KERA: variants seen among roughly 807,000 people sequenced by gnomAD.
The protein encoded by KERA is keratocan, also known as keratan sulfate proteoglycan keratocan.
KERA carries 25 observed loss-of-function variants against 26.4 expected under a neutral mutation model. That is an observed-to-expected ratio of 0.95 (90% CI 0.69 to 1.32). The LOEUF (loss-of-function observed/expected upper bound fraction) is 1.32, where lower values mean the gene tolerates loss of function less well. Ranked by LOEUF, KERA falls within the 40% of genes most tolerant of loss-of-function variation. The pLI is 0.00. For missense variants in KERA, 434 were observed against 408.9 expected (o/e 1.06, Z -0.53); for synonymous variants, 167 against 146.1 (o/e 1.14, Z -1.03).
intron 2 of KERA, 108 bp downstream of exon 2, chr12:91,055,288 A>G (rs1252106962): frequency 1.0e-6 from 1 of 990,138 alleles, no homozygotes. Context: ...AATCTAAAGG[A>G]ACATTAGCGG....
Position 91,057,865 on chromosome 12 carries a change from CG to C in KERA, c.-131del, listed in dbSNP as rs879356207. On this transcript the variant is annotated 5_prime_UTR_variant, in exon 1 of 3. Transcript: ENST00000266719. ...TTGTTTTTACTTTAAGCTGTCAAGTCGTCTATGAGAAACAGTGAAACCTACT... is the reference window on the plus strand; with the variant it reads ...TTGTTTTTACTTTAAGCTGTCAAGTCTCTATGAGAAACAGTGAAACCTACT... 6.6e-6 allele frequency: 1 copy of C among 150,954 alleles called. No homozygotes were observed. Among genetic ancestry groups the C allele is most frequent in the African/African-American group, 2.4e-5 (1 of 41,222 alleles). 9.4% of individuals were successfully genotyped at this position (150,954 alleles called of 1,614,324 possible).
rs1320150089 is a variant in KERA, at chr12:91,050,717, A to C, written c.*629T>G. On this transcript the variant is annotated 3_prime_UTR_variant, in exon 3 of 3. Transcript: ENST00000266719. ...AACTTATAAGAATGCAGTGGACTATATCTAAAAACAACAGCTACAAGAAAT... is the reference window on the plus strand; with the variant it reads ...AACTTATAAGAATGCAGTGGACTATCTCTAAAAACAACAGCTACAAGAAAT... 6.6e-6 allele frequency: 1 copy of C among 152,352 alleles called. No individual in the cohort carries two copies. The highest frequency in any genetic ancestry group is 1.5e-5 in the Non-Finnish European group (1 of 67,924). The allele number at this position is 152,352 out of a possible 1,614,324, so 9.4% of individuals were successfully genotyped here. A position where few individuals can be genotyped will look rare whatever the true frequency, so the allele number is the denominator to read the frequency against.
rs1390432160 is a variant in KERA, at chr12:91,051,017, C to T, written c.*329G>A. 4.1e-6 allele frequency: 1 copy of T among 244,142 alleles called. No individual in the cohort carries two copies. The highest frequency in any genetic ancestry group is 4.9e-5 in the Admixed American group (1 of 20,450). The allele number at this position is 244,142 out of a possible 1,614,324, so 15.1% of individuals were successfully genotyped here. Reference sequence around the variant, plus strand: ...CTGCATAAGTAATTTTAAACATACACAAATGTGTCCTTTTTATTGTATAAG... The same window carrying T: ...CTGCATAAGTAATTTTAAACATACATAAATGTGTCCTTTTTATTGTATAAG... On this transcript the variant is annotated 3_prime_UTR_variant, in exon 3 of 3. Coordinates refer to ENST00000266719, the MANE Select transcript of KERA (RefSeq NM_007035.4).
In KERA at chr12:91,051,245, G is replaced by T; in HGVS notation, c.*101C>A. Reference sequence around the variant, plus strand: ...GCACAAATGAAAATGGTGGCCGAGAGCAATGGGGAATATGACTTGTGTCCT... The same window carrying T: ...GCACAAATGAAAATGGTGGCCGAGATCAATGGGGAATATGACTTGTGTCCT... On this transcript the variant is annotated 3_prime_UTR_variant, in exon 3 of 3. Transcript: ENST00000266719. The T allele has an allele frequency of 1.0e-6, 1 of 973,060 alleles. No individual in the cohort carries two copies. Among genetic ancestry groups the T allele is most frequent in the Non-Finnish European group, 1.6e-6 (1 of 616,692 alleles). 60.3% of individuals were successfully genotyped at this position (973,060 alleles called of 1,614,324 possible).
rs762572959 is a variant in KERA at position 91,051,410 on chromosome 12, ATTTCATTTCCATCCAGACGGAGGT to A, written c.971_994del (p.Tyr324_Ile332delinsPhe). ...TAAAGCCATTGGAATTGGTGGTTTG[ATTTCATTTCCATCCAGACGGAGGT>A]AGCGAAGATGAGGTCCATAACTGAA... On this transcript the variant is annotated inframe_deletion, in exon 3 of 3. Coordinates refer to ENST00000266719, the MANE Select transcript of KERA (RefSeq NM_007035.4). 6.2e-7 allele frequency: 1 copy of A among 1,611,384 alleles called. No individual in the cohort carries two copies. The highest frequency in any genetic ancestry group is 1.1e-5 in the South Asian group (1 of 91,036).
At chr12:91,057,036 A>G (rs1879026254) in intron 1 of KERA, among the ~76,000 whole-genome samples, 1 of 150,652 alleles carries the variant, frequency 6.6e-6, no homozygotes, top group South Asian at 2.1e-4. Flanking sequence ...ATGTATATAT[A>G]TGTATATATA....
At position 91,055,526 on chromosome 12, in the gene KERA, C is replaced by T. The variant is rs201658127; in HGVS notation, c.756G>A (p.Glu252=). The T allele has an allele frequency of 1.9e-6, 3 of 1,610,116 alleles. No individual in the cohort carries two copies. Among genetic ancestry groups the T allele is most frequent in the East Asian group, 2.2e-5 (1 of 44,796 alleles). Residue 252 remains glutamate, a synonymous_variant, in exon 2 of 3, where the codon GAG becomes GAA. Coordinates refer to ENST00000266719, the MANE Select transcript of KERA (RefSeq NM_007035.4). Reference sequence around the variant, plus strand: ...CATCAAATCCTCTTGATGGGAGACCCTCATCTGACAGTTTGTTGTGATTTA... The same window carrying T: ...CATCAAATCCTCTTGATGGGAGACCTTCATCTGACAGTTTGTTGTGATTTA... ...LRLNHNKLSD[E]GLPSRGFDVS...
In KERA at chr12:91,055,542, T is replaced by C. The variant is rs121917858; in HGVS notation, c.740A>G (p.Asn247Ser). 3.9e-4 allele frequency: 632 copies of C among 1,610,578 alleles called. No individual in the cohort carries two copies. Among genetic ancestry groups the C allele is most frequent in the Non-Finnish European group, 2.9e-4 (340 of 1,177,784 alleles). ...PKVAFLRLNH[N>S]KLSDEGLPSR... is the part of the protein sequence containing the mutation. The stretch of plus-strand genomic sequence containing the variant: ...TGGGAGACCCTCATCTGACAGTTTG[T>C]TGTGATTTAGTCTCAAAAAGGCCAC... Residue 247 changes from asparagine to serine, a missense_variant, in exon 2 of 3, where the codon AAC (asparagine) becomes AGC (serine). Physicochemically the swap from Asn to Ser is conservative, Grantham distance 46. Coordinates refer to ENST00000266719, the MANE Select transcript of KERA (RefSeq NM_007035.4).
intron 2 of KERA, among the ~76,000 whole-genome samples, chr12:91,053,588 C>A (rs926470833): frequency 6.6e-6 from 1 of 151,330 alleles, no homozygotes; most frequent in African/African-American, 2.4e-5. Flanking sequence ...ACCTCTGACC[C>A]AGCAAGTCAG....
At chr12:91,053,848 A>C (rs984605477) in intron 2 of KERA, among the ~76,000 whole-genome samples, 7 of 151,432 alleles carry the variant, frequency 4.6e-5, no homozygotes, top group African/African-American at 1.7e-4. Flanking sequence ...GATGAAATGC[A>C]TAATTTGTAA....
rs1268939901 is a variant in KERA, at chr12:91,050,986, C to T, written c.*360G>A. The T allele has an allele frequency of 2.0e-5, 4 of 200,040 alleles. No individual in the cohort carries two copies. The highest frequency in any genetic ancestry group is 8.9e-5 in the South Asian group (1 of 11,216). 12.4% of individuals were successfully genotyped at this position (200,040 alleles called of 1,614,324 possible). A position where few individuals can be genotyped will look rare whatever the true frequency, so the allele number is the denominator to read the frequency against. On this transcript the variant is annotated 3_prime_UTR_variant, in exon 3 of 3. Coordinates refer to ENST00000266719, the MANE Select transcript of KERA (RefSeq NM_007035.4). ...ATTATTACATTTATACTGTAAATTA[C>T]GGTATCTGCATAAGTAATTTTAAAC...
At position 91,051,073 on chromosome 12, in the gene KERA, C is replaced by A; in HGVS notation, c.*273G>T. ...AATTGTTTTCTTTAGTGTTAATAAG[C>A]TATGGAAGAGACCAAAATAAAACTA... is the stretch of plus-strand genomic sequence containing the variant. On this transcript the variant is annotated 3_prime_UTR_variant, in exon 3 of 3. Coordinates refer to ENST00000266719, the MANE Select transcript of KERA (RefSeq NM_007035.4). 2.5e-6 allele frequency: 1 copy of A among 399,026 alleles called. No homozygotes were observed. Among genetic ancestry groups the A allele is most frequent in the Non-Finnish European group, 4.7e-6 (1 of 211,230 alleles). 24.7% of individuals were successfully genotyped at this position (399,026 alleles called of 1,614,324 possible). A position where few individuals can be genotyped will look rare whatever the true frequency, so the allele number is the denominator to read the frequency against.
intron 2 of KERA, among the ~76,000 whole-genome samples, chr12:91,053,887 G>C (rs964632865): frequency 3.3e-5 from 5 of 151,336 alleles, no homozygotes; most frequent in African/African-American, 1.2e-4. Flanking sequence ...GTCACTTGAA[G>C]TTTACTTCCC....
At chr12:91,055,143 C>G (rs1878959335) in intron 2 of KERA, among the ~76,000 whole-genome samples, 2 of 151,246 alleles carry the variant, frequency 1.3e-5, no homozygotes, top group South Asian at 4.2e-4. Context: ...TTCAGTTTCT[C>G]TAATGGATAA....
chr12:91,052,777 C>A (rs965654623), intron 2 of KERA, among the ~76,000 whole-genome samples: 20 of 151,402 alleles, frequency 1.3e-4, no homozygotes, highest in South Asian at 6.2e-4. Flanking sequence ...CTTTCTAATT[C>A]TACAATGTGT....
chr12:91,051,927 C>T (rs752046357), intron 2 of KERA, among the ~76,000 whole-genome samples: 1 of 151,142 alleles, frequency 6.6e-6, no homozygotes, highest in African/African-American at 2.4e-5. Flanking sequence ...TGGGTAAGTA[C>T]AAGAGTAGAT....
intron 1 of KERA, among the ~76,000 whole-genome samples, 154 bp from the exon 2 acceptor site, chr12:91,056,443 T>G (rs1399226957): frequency 1.3e-5 from 2 of 151,272 alleles, no homozygotes; most frequent in Non-Finnish European, 3.0e-5. Flanking sequence ...ATACATTAGT[T>G]AGTAGGCACC....
intron 2 of KERA, among the ~76,000 whole-genome samples, chr12:91,053,453 T>G (rs2471889): frequency 6.6e-6 from 1 of 151,368 alleles, no homozygotes; most frequent in Non-Finnish European, 1.5e-5. Context: ...GATCTTCAGT[T>G]TCTCTCTTTC....
intron 2 of KERA, among the ~76,000 whole-genome samples, chr12:91,051,926 A>C (rs1456439171): frequency 6.6e-6 from 1 of 151,566 alleles, no homozygotes; most frequent in Non-Finnish European, 1.5e-5. Context: ...ATGGGTAAGT[A>C]CAAGAGTAGA....
Sources: gnomAD v4.1 joint callset for allele counts (sites outside exome capture counted in the v4.1 genomes callset) on GRCh38, gnomAD v4.1.1 for gene constraint, MANE v1.5 for transcripts, NCBI Gene and HGNC (gene_info 2026-07-23, HGNC 2026-07-21) for gene names.